Variants in PHACTR2 observed in about 807,000 individuals in gnomAD.
The protein encoded by PHACTR2 is phosphatase and actin regulator 2.
PHACTR2 carries 30 observed loss-of-function variants against 76.0 expected under a neutral mutation model. That is an observed-to-expected ratio of 0.39 (90% confidence interval 0.30 to 0.54). The LOEUF is 0.54. PHACTR2 is among the 20% of genes least tolerant of loss of function. The pLI is 0.61. For synonymous variants in PHACTR2, 292 were observed against 292.5 expected (o/e 1.00, Z 0.02); for missense variants, 696 against 781.1 (o/e 0.89, Z 1.30).
rs1189531767 is a variant in PHACTR2 at position 143,553,871 on chromosome 6, G to T, written c.217+16664G>T. On this transcript the variant is annotated intron_variant, in intron 1 of 11. Transcript: ENST00000367584. The surrounding 1 kb of genome is among the most constrained non-coding windows in gnomAD (Gnocchi z 4.2). ...TGCAACCTTAAGTATGGCAACCAAG[G>T]CAGGCCCCACTGAGAAGGTGGCATT... is the stretch of plus-strand genomic sequence containing the variant. Among the ~76,000 whole-genome samples, 2 of 152,180 alleles carry T rather than the reference G, an allele frequency of 1.3e-5. No individual in the cohort carries two copies. Among genetic ancestry groups the T allele is most frequent in the African/African-American group, 2.4e-5 (1 of 41,442 alleles).
Position 143,777,207 on chromosome 6 carries a change from A to T in PHACTR2, c.1590-121A>T. 1.7e-6 allele frequency: 1 copy of T among 571,522 alleles called. No individual in the cohort carries two copies. 35.4% of individuals were successfully genotyped at this position (571,522 alleles called of 1,614,324 possible). A position where few individuals can be genotyped will look rare whatever the true frequency, so the allele number is the denominator to read the frequency against. ...AATGGGAAGGAGACTTTTATTTTGC[A>T]GCTTTAAAAATGGATTTTTATTTCT... On this transcript the variant is annotated intron_variant, in intron 8 of 12. Transcript: ENST00000440869. The surrounding 1 kb of genome is among the most constrained non-coding windows in gnomAD (Gnocchi z 4.6).
chr6:143,601,503 A>G (rs1775814315), intron 1 of PHACTR2, among the ~76,000 whole-genome samples: 1 of 152,216 alleles, frequency 6.6e-6, no homozygotes, highest in South Asian at 2.1e-4. Context: ...AATCTCATTT[A>G]GATGTCAGAA....
rs766651089 is a variant in PHACTR2, at chr6:143,765,377, A to G, written c.811A>G (p.Thr271Ala). The change falls in exon 6 of 13, where the codon ACA becomes GCA. Residue 271 changes from threonine to alanine, a missense_variant. Transcript: ENST00000440869. This position sits in a 1 kb window ranked among gnomAD's most constrained non-coding sequence, Gnocchi z 4.1. ...SKETVSSKAG[T>A]VGTTKGKRKT... Reference sequence around the variant, plus strand: ...GGAGACAGTTTCTAGCAAAGCAGGGACAGTGGGGACCACCAAGGGCAAGAG... The same window carrying G: ...GGAGACAGTTTCTAGCAAAGCAGGGGCAGTGGGGACCACCAAGGGCAAGAG... 3.7e-6 allele frequency: 6 copies of G among 1,614,094 alleles called. No individual in the cohort carries two copies. In the Admixed American group the frequency reaches 1.0e-4, roughly 27 times the overall value.
rs1056490196 is a variant in PHACTR2 at position 143,801,542 on chromosome 6, C to T, written c.1846-5515C>T. Among the ~76,000 whole-genome samples the T allele has an allele frequency of 4.6e-5, 7 of 152,152 alleles. No individual in the cohort carries two copies. Among genetic ancestry groups the T allele is most frequent in the African/African-American group, 1.4e-4 (6 of 41,430 alleles). ...GGAGTTCTCGTACTGTAGTTTTCAG[C>T]TCCATCAGGTTATTTAAGCTCTTCT... On this transcript the variant is annotated intron_variant, in intron 11 of 12. Coordinates refer to ENST00000440869, the MANE Select transcript of PHACTR2 (RefSeq NM_001100164.2). The surrounding 1 kb of genome is among the most constrained non-coding windows in gnomAD (Gnocchi z 4.6).
At position 143,658,570 on chromosome 6, in the gene PHACTR2, G is replaced by A. The variant is rs566113560; in HGVS notation, c.13+50248G>A. Among the ~76,000 whole-genome samples, 5 of 152,192 alleles carry A rather than the reference G, an allele frequency of 3.3e-5. No homozygotes were observed. The highest frequency in any genetic ancestry group is 7.4e-5 in the Non-Finnish European group (5 of 68,002). On this transcript the variant is annotated intron_variant, in intron 1 of 11. Coordinates refer to the PHACTR2 transcript ENST00000305766. The surrounding 1 kb of genome is among the most constrained non-coding windows in gnomAD (Gnocchi z 4.1). ...GCCTACTATACAACCTAGGCTGTAT[G>A]GTATAGCTTATTTCTCCCAAGCTAC...
rs538467512 is a variant in PHACTR2 at position 143,586,592 on chromosome 6, G to A, written c.217+49385G>A. ...CTGCTGCTGCAGAGCAGGCTACCCA[G>A]TAGGCAAAGTGGCAGCCCAGGGCAG... On this transcript the variant is annotated intron_variant, in intron 1 of 11. Transcript: ENST00000367584. 9.8e-5 allele frequency among the ~76,000 whole-genome samples: 15 copies of A among 152,336 alleles called. No homozygotes were observed. In the South Asian group the frequency reaches 3.1e-3, roughly 32 times the overall value.
rs762057100 is a variant in PHACTR2, at chr6:143,764,104, C to T, written c.695-1157C>T. 6.6e-6 allele frequency among the ~76,000 whole-genome samples: 1 copy of T among 152,288 alleles called. No homozygotes were observed. The highest frequency in any genetic ancestry group is 1.5e-5 in the Non-Finnish European group (1 of 68,016). On this transcript the variant is annotated intron_variant, in intron 5 of 12. Coordinates refer to ENST00000440869, the MANE Select transcript of PHACTR2 (RefSeq NM_001100164.2). The surrounding 1 kb of genome is among the most constrained non-coding windows in gnomAD (Gnocchi z 4.7). The stretch of plus-strand genomic sequence containing the variant: ...CCCTATCCGGAAGTAGGCAAATATA[C>T]CATAGCTATCCTTCGATGAAGACCT...
At chr6:143,724,257 G>A (rs1012395248) in intron 2 of PHACTR2, among the ~76,000 whole-genome samples, 12 of 151,880 alleles carry the variant, frequency 7.9e-5, no homozygotes, top group African/African-American at 1.9e-4. Flanking sequence ...TCAGCCTCCC[G>A]AGTAGGTGGG....
At chr6:143,736,809 C>G (rs1778833333) in intron 2 of PHACTR2, among the ~76,000 whole-genome samples, 1 of 151,586 alleles carries the variant, frequency 6.6e-6, no homozygotes, top group Admixed American at 6.6e-5. Flanking sequence ...CTCCTGACCT[C>G]GTGATCCGCC....
chr6:143,732,504 CA>C (rs1374635302), intron 2 of PHACTR2, among the ~76,000 whole-genome samples: 4 of 152,160 alleles, frequency 2.6e-5, no homozygotes, highest in African/African-American at 9.7e-5. Context: ...GAATATACCA[CA>C]TTTTATTTAT....
chr6:143,793,301 G>A lies in PHACTR2; in HGVS notation c.1845+4391G>A, dbSNP rs1030039325. ...TAATTTTATGTTGAAACAAAAATGG[G>A]ATTTTGTTCTGGACTTCTAGGTTGC... On this transcript the variant is annotated intron_variant, in intron 11 of 12. Transcript: ENST00000440869. This position sits in a 1 kb window ranked among gnomAD's most constrained non-coding sequence, Gnocchi z 4.4. Among the ~76,000 whole-genome samples, 9 of 152,118 alleles carry A rather than the reference G, an allele frequency of 5.9e-5. No homozygotes were observed. The highest frequency in any genetic ancestry group is 1.0e-4 in the Non-Finnish European group (7 of 67,986).
At chr6:143,711,777 T>A in intron 1 of PHACTR2, 1 of 690,740 alleles carries the variant, frequency 1.4e-6, no homozygotes, top group South Asian at 1.4e-5. Context: ...ATCTATAATG[T>A]AAGTCTCTTG....
chr6:143,802,737 A>G (rs1223133761), intron 11 of PHACTR2, among the ~76,000 whole-genome samples: 1 of 151,788 alleles, frequency 6.6e-6, no homozygotes, highest in Non-Finnish European at 1.5e-5. Flanking sequence ...AAGAGAGTTA[A>G]GTTTATTATA....
chr6:143,692,245 A>G (rs141079395), intron 1 of PHACTR2, among the ~76,000 whole-genome samples: 188 of 152,260 alleles, frequency 1.2e-3, no homozygotes, highest in East Asian at 1.7e-3. Context: ...GCACTGATCA[A>G]TTTCATCTAT....
At chr6:143,655,263 G>T (rs1582740509) in intron 1 of PHACTR2, among the ~76,000 whole-genome samples, 1 of 152,080 alleles carries the variant, frequency 6.6e-6, no homozygotes, top group East Asian at 1.9e-4. Context: ...GTCCAGAATA[G>T]GCAAATTCCT....
Position 143,570,673 on chromosome 6 carries a change from C to T in PHACTR2, c.217+33466C>T, listed in dbSNP as rs1413125207. Among the ~76,000 whole-genome samples the T allele has an allele frequency of 6.6e-6, 1 of 152,144 alleles. No individual in the cohort carries two copies. The highest frequency in any genetic ancestry group is 2.4e-5 in the African/African-American group (1 of 41,410). On this transcript the variant is annotated intron_variant, in intron 1 of 11. Coordinates refer to the PHACTR2 transcript ENST00000367584. This position sits in a 1 kb window ranked among gnomAD's most constrained non-coding sequence, Gnocchi z 4.6. ...GCTTGCTCTCCTTCCCTAATCCCCA[C>T]ACCTTTTTATGAAGATCAGTCCTTT...
intron 2 of PHACTR2, among the ~76,000 whole-genome samples, chr6:143,713,756 G>A (rs1778236915): frequency 6.6e-6 from 1 of 152,060 alleles, no homozygotes; most frequent in Non-Finnish European, 1.5e-5. Flanking sequence ...TCCCTGGCTG[G>A]GCATCTTGTT....
In PHACTR2 at chr6:143,780,069, T is replaced by A. The variant is rs1775389559; in HGVS notation, c.1645+2686T>A. 6.6e-6 allele frequency among the ~76,000 whole-genome samples: 1 copy of A among 151,958 alleles called. No individual in the cohort carries two copies. The highest frequency in any genetic ancestry group is 1.5e-5 in the Non-Finnish European group (1 of 67,984). On this transcript the variant is annotated intron_variant, in intron 9 of 12. Coordinates refer to ENST00000440869, the MANE Select transcript of PHACTR2 (RefSeq NM_001100164.2). This position sits in a 1 kb window ranked among gnomAD's most constrained non-coding sequence, Gnocchi z 4.4. ...GTGATGTATTTAGCTGAGAATGTAA[T>A]TCTAGCCATGTCTTCTATAGAGAAA...
At chr6:143,797,762 A>T (rs889137274) in intron 11 of PHACTR2, among the ~76,000 whole-genome samples, 3 of 152,012 alleles carry the variant, frequency 2.0e-5, no homozygotes, top group Non-Finnish European at 4.4e-5. Flanking sequence ...CAGTCTGTGT[A>T]TCTGTTTTGG....
Sources: allele counts gnomAD v4.1 joint callset (sites outside exome capture counted in the v4.1 genomes callset), GRCh38; gene constraint gnomAD v4.1.1; non-coding constraint Gnocchi (gnomAD v3.1); transcripts MANE v1.5; gene names NCBI Gene and HGNC (gene_info 2026-07-23, HGNC 2026-07-21).